ILKAP: variants seen among roughly 807,000 people sequenced by gnomAD.
ILKAP encodes integrin-linked kinase-associated serine/threonine phosphatase 2C.
ILKAP carries 11 observed loss-of-function variants against 49.1 expected under a neutral mutation model. The ratio of observed to expected loss-of-function variants is 0.22; its 90% CI spans 0.14 to 0.37. ILKAP has a LOEUF of 0.37. Ranked by LOEUF, ILKAP falls within the 10% of genes least tolerant of loss-of-function variation. The pLI, the probability that ILKAP is intolerant of heterozygous loss-of-function variation, is 1.00. For missense variants in ILKAP, 363 were observed against 510.8 expected, an observed-to-expected ratio of 0.71 and a Z score of 2.79; for synonymous variants, 186 against 192.8, an observed-to-expected ratio of 0.96 and a Z score of 0.29.
At chr2:238,184,147 C>G in intron 6 of ILKAP, 34 bp from the exon 7 acceptor site, 1 of 1,171,018 alleles carries the variant, frequency 8.5e-7, no homozygotes, top group East Asian at 2.3e-5. Flanking sequence ...AACAATCTCT[C>G]AAGGAGGGAA....
At chr2:238,185,509 A>AG in intron 5 of ILKAP, 1 of 449,172 alleles carries the variant, frequency 2.2e-6, no homozygotes, top group South Asian at 2.6e-5. Context: ...TAAAAAAAAA[A>AG]TACTTGTGTG....
Position 238,188,142 on chromosome 2 carries a change from T to C in ILKAP, c.414A>G (p.Pro138=). Residue 138 remains proline, a synonymous_variant, in exon 5 of 12, where the codon CCA becomes CCG. Coordinates refer to ENST00000254654, the MANE Select transcript of ILKAP (RefSeq NM_030768.3). ...CACATGAGACTCACATGAGGGACGA[T>C]GGGGGCCTACACTCCTCGGTGATGT... ...LNDITEECRP[P]SSLITRVSYF... is the part of the protein sequence containing the mutation. 6.2e-7 allele frequency: 1 copy of C among 1,613,972 alleles called. No individual in the cohort carries two copies. Among genetic ancestry groups the C allele is most frequent in the Non-Finnish European group, 8.5e-7 (1 of 1,179,982 alleles).
At chr2:238,170,717 G>A (rs770920775) in intron 11 of ILKAP, 41 bp from the exon 12 acceptor site, 27 of 1,599,366 alleles carry the variant, frequency 1.7e-5, no homozygotes, top group East Asian at 2.2e-5. Context: ...GAGTGACCCC[G>A]CACCCTGTCA....
intron 1 of ILKAP, 60 bp from the exon 2 acceptor site, chr2:238,194,930 AGAG>A (rs1694283345): frequency 4.3e-6 from 6 of 1,399,962 alleles, no homozygotes; most frequent in South Asian, 1.2e-5. Context: ...AGATTTTCAA[AGAG>A]GAAGATCATG....
At chr2:238,179,185 T>C (rs1416938582) in intron 9 of ILKAP, among the ~76,000 whole-genome samples, 2 of 152,064 alleles carry the variant, frequency 1.3e-5, no homozygotes, top group Non-Finnish European at 2.9e-5. Context: ...TGGCCATATC[T>C]GAAATCAAGT....
intron 10 of ILKAP, 111 bp from the exon 11 acceptor site, chr2:238,171,135 G>C: frequency 1.4e-6 from 1 of 731,930 alleles, no homozygotes; most frequent in Non-Finnish European, 2.3e-6. Context: ...ACTATTCAAA[G>C]GCTAAGGTTT....
intron 3 of ILKAP, among the ~76,000 whole-genome samples, chr2:238,191,765 C>T (rs773266786): frequency 3.3e-5 from 5 of 151,946 alleles, no homozygotes; most frequent in African/African-American, 4.8e-5. Context: ...AAAAATTAGC[C>T]GGGCATGGTA....
chr2:238,182,248 G>A (rs1458805124), intron 8 of ILKAP, 62 bp from the exon 9 acceptor site: 1 of 1,583,820 alleles, frequency 6.3e-7, no homozygotes, highest in African/African-American at 1.4e-5. Flanking sequence ...AAAGGTACCA[G>A]TTGAAAAAAA....
At chr2:238,194,457 G>A in intron 2 of ILKAP, 126 bp from the exon 3 acceptor site, 1 of 766,568 alleles carries the variant, frequency 1.3e-6, no homozygotes, top group East Asian at 2.6e-5. Flanking sequence ...TCAATCCAGT[G>A]GCAACTCATA....
At position 238,203,506 on chromosome 2, in the gene ILKAP, CG is replaced by C; in HGVS notation, c.47del (p.Pro16ArgfsTer55). On this transcript the variant is annotated frameshift_variant, in exon 1 of 12. Transcript: ENST00000254654. LOFTEE classifies it high-confidence loss of function. ...DLPEPERSPR[P>X]AAGKEAQKGP... ...GGCGGCAACGCCGCTTACCGGCAGC[CG>C]GGCGCGGCGAGCGCTCGGGCTCCGG... 8.0e-7 allele frequency: 1 copy of C among 1,252,984 alleles called. No individual in the cohort carries two copies. Among genetic ancestry groups the C allele is most frequent in the Non-Finnish European group, 1.0e-6 (1 of 987,710 alleles). 77.6% of individuals were successfully genotyped at this position (1,252,984 alleles called of 1,614,324 possible).
intron 9 of ILKAP, among the ~76,000 whole-genome samples, chr2:238,174,741 T>C (rs184107811): frequency 1.3e-5 from 2 of 152,198 alleles, no homozygotes; most frequent in African/African-American, 4.8e-5. Flanking sequence ...TCTTCTAGGA[T>C]ACAAACTGTT....
At chr2:238,185,076 A>G (rs1484417645) in intron 6 of ILKAP, 105 bp downstream of exon 6, 1 of 710,290 alleles carries the variant, frequency 1.4e-6, no homozygotes, top group Non-Finnish European at 2.5e-6. Context: ...AAGACTCATC[A>G]ATGATTCTCT....
At chr2:238,202,449 T>G (rs994917486) in intron 1 of ILKAP, among the ~76,000 whole-genome samples, 6 of 152,050 alleles carry the variant, frequency 3.9e-5, no homozygotes, top group African/African-American at 1.4e-4. Context: ...AGGCTGGGCC[T>G]TACTCACCTC....
rs1693325089 is a variant in ILKAP at position 238,173,651 on chromosome 2, T to C, written c.839A>G (p.Asp280Gly). ...RIQKAGGNVR[D>G]GRVLGVLEVS... ...CTCTAGCACGCCCAAAACACGCCCA[T>C]CCCTAAAATGAGAGGAAAAACATTT... The change falls in exon 10 of 12, where the codon GAT (aspartate) becomes GGT (glycine). Residue 280 changes from aspartate (D) to glycine (G), a missense_variant and splice_region_variant. This residue lies in a region of ILKAP where 166 missense variants were observed against 307.3 expected (regional missense o/e 0.54). Coordinates refer to ENST00000254654, the MANE Select transcript of ILKAP (RefSeq NM_030768.3). 1 of 1,613,318 alleles carries C rather than the reference T, an allele frequency of 6.2e-7. No homozygotes were observed. The highest frequency in any genetic ancestry group is 8.5e-7 in the Non-Finnish European group (1 of 1,179,444).
At chr2:238,190,230 C>A (rs57094190) in intron 3 of ILKAP, among the ~76,000 whole-genome samples, 42,071 of 152,000 alleles carry the variant, frequency 0.28, 6,225 homozygotes, top group South Asian at 0.37. Flanking sequence ...AGACTTTTCC[C>A]AGTGGTAAAA....
At chr2:238,187,077 C>CACTAA (rs1227918979) in intron 5 of ILKAP, 1 of 152,224 alleles carries the variant, frequency 6.6e-6, no homozygotes, top group African/African-American at 2.4e-5. Flanking sequence ...CTTAAGGAGA[C>CACTAA]ACTGTCTCTA....
chr2:238,174,425 T>C (rs1433039353), intron 9 of ILKAP, among the ~76,000 whole-genome samples: 1 of 152,172 alleles, frequency 6.6e-6, no homozygotes, highest in Non-Finnish European at 1.5e-5. Context: ...CCCTTGTTTG[T>C]AAAGGCAAGG....
intron 4 of ILKAP, chr2:238,188,469 G>A (rs1052877047): frequency 3.1e-5 from 16 of 509,050 alleles, no homozygotes; most frequent in South Asian, 7.9e-5. Context: ...GCTCTAAGAG[G>A]TTGCACAGGG....
chr2:238,176,888 T>C lies in ILKAP; in HGVS notation c.837-3235A>G, dbSNP rs1313948439. On this transcript the variant is annotated intron_variant, in intron 9 of 11. Transcript: ENST00000254654. ...CTCCATCTCCTGACCATCCAAAGAC[T>C]GGTGGATGCCTAAATCCAACATATT... 3.3e-5 allele frequency among the ~76,000 whole-genome samples: 5 copies of C among 152,240 alleles called. No individual in the cohort carries two copies. In the South Asian group the frequency reaches 8.3e-4, roughly 25 times the overall value.
Sources: allele counts gnomAD v4.1 joint callset (sites outside exome capture counted in the v4.1 genomes callset), GRCh38; gene constraint gnomAD v4.1.1; regional missense constraint gnomAD v4.1.1; transcripts MANE v1.5; gene names NCBI Gene and HGNC (gene_info 2026-07-23, HGNC 2026-07-21).